SHCBP1: variants seen among roughly 807,000 people sequenced by gnomAD.
SHCBP1 encodes the protein SHC binding and spindle associated 1, also known as SHC SH2 domain-binding protein 1.
SHCBP1 carries 60 observed loss-of-function variants against 75.1 expected under a neutral mutation model. The ratio of observed to expected loss-of-function variants is 0.80; its 90% CI spans 0.65 to 0.99. SHCBP1 has a LOEUF of 0.99. Ranked by LOEUF, SHCBP1 falls within the 50% of genes least tolerant of loss-of-function variation. The pLI, the probability that SHCBP1 is intolerant of heterozygous loss-of-function variation, is 0.00. For synonymous variants in SHCBP1, 290 were observed against 293.2 expected (o/e 0.99, Z 0.11); for missense variants, 709 against 809.4 (o/e 0.88, Z 1.50).
rs777400573 is a variant in SHCBP1, at chr16:46,581,850, A to T, written c.1898T>A (p.Leu633Ter). The T allele has an allele frequency of 1.2e-6, 2 of 1,614,028 alleles. No individual in the cohort carries two copies. The highest frequency in any genetic ancestry group is 2.7e-5 in the African/African-American group (2 of 74,910). Reference protein sequence around the residue: ...TQKGQIKKKRLSELGITQADD... With the variant: ...TQKGQIKKKR Reference sequence around the variant, plus strand: ...AGCTTGCGTGATCCCCAGTTCACTCAACCTTTTCTTCTTTATCTGGCCTTT... The same window carrying T: ...AGCTTGCGTGATCCCCAGTTCACTCTACCTTTTCTTCTTTATCTGGCCTTT... Residue 633 changes from leucine (L) to a stop codon, truncating the protein, a stop_gained, in exon 13 of 13, where the codon TTG (leucine) becomes TAG (stop). Transcript: ENST00000303383. LOFTEE classifies it high-confidence loss of function.
At chr16:46,605,320 G>T (rs1451583464) in intron 5 of SHCBP1, among the ~76,000 whole-genome samples, 1 of 152,230 alleles carries the variant, frequency 6.6e-6, no homozygotes, top group Non-Finnish European at 1.5e-5. Flanking sequence ...CAGGCACAGT[G>T]GCTCACACCT....
intron 11 of SHCBP1, 49 bp from the exon 12 acceptor site, chr16:46,583,706 C>T: frequency 6.4e-7 from 1 of 1,570,942 alleles, no homozygotes; most frequent in Non-Finnish European, 8.6e-7. Flanking sequence ...TTCAACATTT[C>T]CTGCCTTAAA....
At position 46,592,951 on chromosome 16, in the gene SHCBP1, CAA is replaced by C; in HGVS notation, c.1464+2599_1464+2600del. ...AACATCCACTTATGATAAAAATTCT[CAA>C]AAAAAAAAAAAAAAAAAAAAAAAGC... On this transcript the variant is annotated intron_variant, in intron 10 of 12. Transcript: ENST00000303383. 3.5e-4 allele frequency among the ~76,000 whole-genome samples: 8 copies of C among 22,792 alleles called. No individual in the cohort carries two copies. The East Asian group carries it at 0.013, about 37-fold the overall frequency. 15.0% of individuals were successfully genotyped at this position (22,792 alleles called of 152,430 possible). A position where few individuals can be genotyped will look rare whatever the true frequency, so the allele number is the denominator to read the frequency against.
chr16:46,589,122 C>T lies in SHCBP1; in HGVS notation c.1465-5033G>A, dbSNP rs192395671. Among the ~76,000 whole-genome samples, 77 of 152,244 alleles carry T rather than the reference C, an allele frequency of 5.1e-4. No homozygotes were observed. In the East Asian group the frequency reaches 0.011, roughly 22 times the overall value. ...AAAGGCCTTCAACAAAATTCAACAG[C>T]GTCTCATGCTAAAAACTCTCAATAA... On this transcript the variant is annotated intron_variant, in intron 10 of 12. Coordinates refer to ENST00000303383, the MANE Select transcript of SHCBP1 (RefSeq NM_024745.5).
rs1204641185 is a variant in SHCBP1, at chr16:46,580,124, CAAA to C, written c.*1602_*1604del. On this transcript the variant is annotated 3_prime_UTR_variant, in exon 13 of 13. Coordinates refer to ENST00000303383, the MANE Select transcript of SHCBP1 (RefSeq NM_024745.5). ...TGGGTGACAGAGCAAGACTCCATCT[CAAA>C]AAAAAAAAAAAAGTGATTTTTTTTT... Among the ~76,000 whole-genome samples the C allele has an allele frequency of 1.1e-5, 1 of 87,204 alleles. No homozygotes were observed. The highest frequency in any genetic ancestry group is 1.3e-4 in the Admixed American group (1 of 7,802). 57.2% of individuals were successfully genotyped at this position (87,204 alleles called of 152,430 possible). A position where few individuals can be genotyped will look rare whatever the true frequency, so the allele number is the denominator to read the frequency against.
At chr16:46,592,991 A>G (rs1371992404) in intron 10 of SHCBP1, among the ~76,000 whole-genome samples, 1 of 128,790 alleles carries the variant, frequency 7.8e-6, no homozygotes, top group Non-Finnish European at 1.6e-5. Context: ...AAATTCTTCA[A>G]CTTAATAACG....
Position 46,604,397 on chromosome 16 carries a change from A to C in SHCBP1, c.754T>G (p.Ser252Ala). ...GLIVDYHNLLSQCEESYRKFL... is the reference protein window; with the variant it reads ...GLIVDYHNLLAQCEESYRKFL... ...TTCCTGTAACTCTCCTCACATTGAG[A>C]CAACAGATTGTGGTAGTCAACAATA... Residue 252 changes from serine (S) to alanine (A), a missense_variant, in exon 6 of 13, where the codon TCT becomes GCT. Physicochemically the swap from Ser to Ala is moderately conservative, Grantham distance 99 (BLOSUM62 1). Coordinates refer to ENST00000303383, the MANE Select transcript of SHCBP1 (RefSeq NM_024745.5). The C allele has an allele frequency of 1.2e-6, 2 of 1,614,172 alleles. No homozygotes were observed. The highest frequency in any genetic ancestry group is 1.7e-6 in the Non-Finnish European group (2 of 1,180,020).
At chr16:46,606,335 T>C (rs1965326287) in intron 5 of SHCBP1, among the ~76,000 whole-genome samples, 1 of 152,158 alleles carries the variant, frequency 6.6e-6, no homozygotes, top group Non-Finnish European at 1.5e-5. Flanking sequence ...ATAGCCCCAC[T>C]CCTATCTTAG....
intron 8 of SHCBP1, among the ~76,000 whole-genome samples, 197 bp downstream of exon 8, chr16:46,603,342 C>T (rs1965272352): frequency 6.6e-6 from 1 of 152,140 alleles, no homozygotes; most frequent in Non-Finnish European, 1.5e-5. Flanking sequence ...CACACTGCTA[C>T]AAAGAACCAC....
rs896487048 is a variant in SHCBP1 at position 46,617,619 on chromosome 16, C to T, written c.387+15G>A. 54 of 1,607,164 alleles carry T rather than the reference C, an allele frequency of 3.4e-5. No homozygotes were observed. Among genetic ancestry groups the T allele is most frequent in the Non-Finnish European group, 4.4e-5 (52 of 1,175,084 alleles). Reference sequence around the variant, plus strand: ...AAAGCTAGAGACAAAGGTCTAATAACAAAATTAACCTTACCTCAACCAGCA... The same window carrying T: ...AAAGCTAGAGACAAAGGTCTAATAATAAAATTAACCTTACCTCAACCAGCA... On this transcript the variant is annotated intron_variant, in intron 3 of 12. Coordinates refer to ENST00000303383, the MANE Select transcript of SHCBP1 (RefSeq NM_024745.5).
intron 4 of SHCBP1, among the ~76,000 whole-genome samples, chr16:46,608,841 C>T (rs966796552): frequency 3.3e-5 from 5 of 152,072 alleles, no homozygotes; most frequent in African/African-American, 1.2e-4. Context: ...CCTCATGATT[C>T]ACCCGCCTCG....
Position 46,616,167 on chromosome 16 carries a change from A to C in SHCBP1, c.388-13T>G, listed in dbSNP as rs552445365. On this transcript the variant is annotated splice_polypyrimidine_tract_variant and intron_variant, in intron 3 of 12. Transcript: ENST00000303383. The surrounding 1 kb of genome is among the most constrained non-coding windows in gnomAD (Gnocchi z 4.4). ...CCACATCTGTGATCTGAAATTTAAA[A>C]TAATGTGACTTAACACATGGAAATC... 1.2e-6 allele frequency: 2 copies of C among 1,610,412 alleles called. No homozygotes were observed. Among genetic ancestry groups the C allele is most frequent in the South Asian group, 2.2e-5 (2 of 90,902 alleles).
At chr16:46,589,979 C>A (rs572166684) in intron 10 of SHCBP1, among the ~76,000 whole-genome samples, 1 of 152,052 alleles carries the variant, frequency 6.6e-6, no homozygotes, top group Non-Finnish European at 1.5e-5. Flanking sequence ...GAGATATAGA[C>A]CAATGGAACA....
chr16:46,591,249 T>A lies in SHCBP1; in HGVS notation c.1464+4303A>T, dbSNP rs536713212. ...AGTTAATGGGTGCAGCACACCAACATGGCACATGTATACATATGTAACAAA... is the reference window on the plus strand; with the variant it reads ...AGTTAATGGGTGCAGCACACCAACAAGGCACATGTATACATATGTAACAAA... On this transcript the variant is annotated intron_variant, in intron 10 of 12. Coordinates refer to ENST00000303383, the MANE Select transcript of SHCBP1 (RefSeq NM_024745.5). Among the ~76,000 whole-genome samples the A allele has an allele frequency of 2.6e-5, 4 of 152,234 alleles. No individual in the cohort carries two copies. In the East Asian group the frequency reaches 5.8e-4, roughly 22 times the overall value.
chr16:46,603,566 A>G lies in SHCBP1; in HGVS notation c.1186T>C (p.Ser396Pro). ...PGHYVVHGTF[S>P]IADSIELEGY... ...TCCAACTCAATGGAGTCAGCAATGG[A>G]GAAAGTGCCATGTACCACATAATGG... Residue 396 changes from serine to proline, a missense_variant, in exon 8 of 13, where the codon TCC (serine) becomes CCC (proline). Transcript: ENST00000303383. 1 of 1,614,206 alleles carries G rather than the reference A, an allele frequency of 6.2e-7. No homozygotes were observed. The highest frequency in any genetic ancestry group is 8.5e-7 in the Non-Finnish European group (1 of 1,180,032).
rs1965276136 is a variant in SHCBP1, at chr16:46,603,576, A to G, written c.1176T>C (p.His392=). ...VIVCPGHYVV[H]GTFSIADSIE... ...TGGAGTCAGCAATGGAGAAAGTGCC[A>G]TGTACCACATAATGGCCAGGACAAA... The change falls in exon 8 of 13, where the codon CAT becomes CAC. Residue 392 remains histidine, a synonymous_variant. Transcript: ENST00000303383. The G allele has an allele frequency of 1.2e-6, 2 of 1,614,092 alleles. No homozygotes were observed. The highest frequency in any genetic ancestry group is 1.7e-6 in the Non-Finnish European group (2 of 1,180,046).
intron 4 of SHCBP1, among the ~76,000 whole-genome samples, chr16:46,611,123 T>G (rs1055204368): frequency 1.3e-5 from 2 of 152,148 alleles, no homozygotes; most frequent in African/African-American, 2.4e-5. Flanking sequence ...GTGAATTCTG[T>G]GTCTACCTTG....
chr16:46,608,889 G>A (rs572556308), intron 4 of SHCBP1, among the ~76,000 whole-genome samples: 59 of 152,138 alleles, frequency 3.9e-4, no homozygotes, highest in Admixed American at 5.2e-4. Flanking sequence ...ATGAGCCACC[G>A]CGCCCAGCCA....
chr16:46,583,000 G>A (rs1203563038), intron 12 of SHCBP1, among the ~76,000 whole-genome samples: 4 of 152,036 alleles, frequency 2.6e-5, no homozygotes, highest in East Asian at 1.9e-4. Flanking sequence ...GCTCCCCTTC[G>A]CTGCCAAGAA....
Sources: allele counts gnomAD v4.1 joint callset (sites outside exome capture counted in the v4.1 genomes callset), GRCh38; gene constraint gnomAD v4.1.1; non-coding constraint Gnocchi (gnomAD v3.1); transcripts MANE v1.5; gene names NCBI Gene and HGNC (gene_info 2026-07-23, HGNC 2026-07-21).